Variants in FBN1 observed in about 807,000 individuals in gnomAD.
FBN1 encodes fibrillin 1, also known as fibrillin-1.
A neutral mutation model predicts 365.1 loss-of-function variants in FBN1; 29 were observed. The ratio of observed to expected loss-of-function variants is 0.08; its 90% confidence interval spans 0.06 to 0.11. The LOEUF (loss-of-function observed/expected upper bound fraction) is 0.11, where lower values mean the gene tolerates loss of function less well. FBN1 is among the 10% of genes least tolerant of loss of function. The pLI is 1.00. For synonymous variants in FBN1, 1,210 were observed against 1,270.5 expected (o/e 0.95, Z 1.01); for missense variants, 2,476 against 3,703.2 (o/e 0.67, Z 8.60).
At chr15:48,549,779 T>G (rs1380499600) in intron 6 of FBN1, among the ~76,000 whole-genome samples, 1 of 152,014 alleles carries the variant, frequency 6.6e-6, no homozygotes, top group African/African-American at 2.4e-5. Context: ...GAGTTTTATA[T>G]GTTCATTCTC....
intron 44 of FBN1, among the ~76,000 whole-genome samples, 197 bp downstream of exon 44, chr15:48,456,440 C>A (rs942640564): frequency 6.6e-6 from 1 of 151,978 alleles, no homozygotes; most frequent in African/African-American, 2.4e-5. Context: ...GGGAATGTGC[C>A]TCCTGGTTTT....
chr15:48,518,883 A>G (rs1350760523), intron 10 of FBN1, among the ~76,000 whole-genome samples: 1 of 152,110 alleles, frequency 6.6e-6, no homozygotes, highest in African/African-American at 2.4e-5. Context: ...TGCTCTATAA[A>G]TCTGTTTTGC....
At chr15:48,437,139 T>A in intron 52 of FBN1, 62 bp from the exon 53 acceptor site, 1 of 1,267,166 alleles carries the variant, frequency 7.9e-7, no homozygotes, top group Non-Finnish European at 1.2e-6. Flanking sequence ...AGATAAATTA[T>A]GATCATTTCA....
chr15:48,435,774 G>GTGTGTATATATATGTATAGA (rs1566895698), intron 53 of FBN1, among the ~76,000 whole-genome samples: 1 of 35,900 alleles, frequency 2.8e-5, no homozygotes, highest in African/African-American at 7.5e-5. Flanking sequence ...ATGTGTATAT[G>GTGTGTATATATATGTATAGA]TGTGTGTGTG....
chr15:48,540,511 A>T (rs1226000714), intron 6 of FBN1, among the ~76,000 whole-genome samples: 2 of 152,200 alleles, frequency 1.3e-5, no homozygotes, highest in Non-Finnish European at 2.9e-5. Flanking sequence ...TCAAGTTATA[A>T]CAGAATGTGT....
At chr15:48,593,287 G>A (rs16961212) in intron 6 of FBN1, among the ~76,000 whole-genome samples, 2,163 of 152,210 alleles carry the variant, frequency 0.014, 49 homozygotes, top group African/African-American at 0.05. Flanking sequence ...AAGTTCCAAG[G>A]TCTCCCAGGG....
At chr15:48,576,350 A>C (rs1278284252) in intron 6 of FBN1, among the ~76,000 whole-genome samples, 1 of 152,170 alleles carries the variant, frequency 6.6e-6, no homozygotes, top group Non-Finnish European at 1.5e-5. Flanking sequence ...CTGGAAAAAA[A>C]TTGTCCTTGA....
At chr15:48,485,291 T>C (rs112531443) in intron 30 of FBN1, 83 bp downstream of exon 30, 1 of 1,576,664 alleles carries the variant, frequency 6.3e-7, no homozygotes, top group Admixed American at 1.7e-5. Flanking sequence ...GACTCAAGCC[T>C]GCTTGACTCC....
At chr15:48,492,336 G>C (rs144417331) in intron 24 of FBN1, 125 bp downstream of exon 24, 2 of 899,782 alleles carry the variant, frequency 2.2e-6, no homozygotes, top group Non-Finnish European at 3.6e-6. Context: ...GGACCCTATC[G>C]GACATGCTGA....
chr15:48,436,718 G>A (rs2141240024), intron 53 of FBN1, among the ~76,000 whole-genome samples: 1 of 152,188 alleles, frequency 6.6e-6, no homozygotes, highest in East Asian at 1.9e-4. Context: ...TTCACCATTA[G>A]GCTGTAAGGT....
chr15:48,512,676 T>A (rs1381323957), intron 13 of FBN1, among the ~76,000 whole-genome samples: 1 of 152,198 alleles, frequency 6.6e-6, no homozygotes, highest in African/African-American at 2.4e-5. Context: ...TATGGCTGCA[T>A]AATATTCCAT....
intron 13 of FBN1, among the ~76,000 whole-genome samples, chr15:48,512,724 A>T (rs998233157): frequency 1.3e-5 from 2 of 151,300 alleles, no homozygotes; most frequent in African/African-American, 4.9e-5. Flanking sequence ...CCAGTCTATC[A>T]TTGATGGGCC....
chr15:48,496,692 T>C (rs1002737808), intron 19 of FBN1, among the ~76,000 whole-genome samples: 3 of 152,192 alleles, frequency 2.0e-5, no homozygotes, highest in Admixed American at 6.5e-5. Context: ...ATAATTCAAA[T>C]TGTCTCCAGG....
chr15:48,499,743 C>T (rs1470023181), intron 17 of FBN1, among the ~76,000 whole-genome samples: 2 of 152,112 alleles, frequency 1.3e-5, no homozygotes, highest in Non-Finnish European at 2.9e-5. Flanking sequence ...TCCAACAATA[C>T]TTAACATAAG....
At chr15:48,557,733 G>A (rs1433881050) in intron 6 of FBN1, among the ~76,000 whole-genome samples, 1 of 152,154 alleles carries the variant, frequency 6.6e-6, no homozygotes. Flanking sequence ...TTCCTCTAGG[G>A]CATCTTTTCC....
At chr15:48,437,742 G>A in intron 51 of FBN1, 26 bp downstream of exon 51, 1 of 1,612,978 alleles carries the variant, frequency 6.2e-7, no homozygotes, top group Non-Finnish European at 8.5e-7. Flanking sequence ...GCATGGCCCA[G>A]AGAGAAATGC....
chr15:48,443,886 G>T (rs1225007452), intron 49 of FBN1, among the ~76,000 whole-genome samples: 1 of 152,070 alleles, frequency 6.6e-6, no homozygotes, highest in Non-Finnish European at 1.5e-5. Context: ...TAAAAAATCA[G>T]CCAGGCATGG....
chr15:48,514,688 A>C (rs1226430244), intron 12 of FBN1, among the ~76,000 whole-genome samples: 1 of 152,162 alleles, frequency 6.6e-6, no homozygotes, highest in Admixed American at 6.6e-5. Context: ...ACACATTTAG[A>C]CTAGTATAAT....
chr15:48,567,998 T>TAAGGAAGAAAGAAAGAAAGA (rs1555403245), intron 6 of FBN1, among the ~76,000 whole-genome samples: 17 of 56,522 alleles, frequency 3.0e-4, no homozygotes, highest in African/African-American at 1.5e-3. Flanking sequence ...AGTATACAGA[T>TAAGGAAGAAAGAAAGAAAGA]AAGAAAGAAA....
Sources: gnomAD v4.1 joint callset for allele counts (sites outside exome capture counted in the v4.1 genomes callset) on GRCh38, gnomAD v4.1.1 for gene constraint, MANE v1.5 for transcripts, NCBI Gene and HGNC (gene_info 2026-07-23, HGNC 2026-07-21) for gene names.